VANGL1: variants seen among roughly 807,000 people sequenced by gnomAD.
VANGL1 encodes VANGL planar cell polarity protein 1, also known as vang-like protein 1.
VANGL1 carries 18 observed loss-of-function variants against 48.4 expected under a neutral mutation model. The observed-to-expected ratio is 0.37, with a 90% CI of 0.26 to 0.55. The LOEUF is 0.55. Ranked by LOEUF, VANGL1 falls within the 20% of genes least tolerant of loss-of-function variation. VANGL1 has a pLI of 0.81. For missense variants in VANGL1, 667 were observed against 675.8 expected (o/e 0.99, Z 0.14); for synonymous variants, 257 against 261.8 (o/e 0.98, Z 0.18).
At chr1:115,684,130 T>C in intron 6 of VANGL1, 54 bp downstream of exon 6, 2 of 1,290,356 alleles carry the variant, frequency 1.5e-6, no homozygotes, top group Admixed American at 2.7e-5. Context: ...AATTTTTATT[T>C]TATTTATTTA....
chr1:115,690,786 A>T (rs892586076), intron 7 of VANGL1, among the ~76,000 whole-genome samples: 1 of 152,246 alleles, frequency 6.6e-6, no homozygotes, highest in African/African-American at 2.4e-5. Context: ...AAGTAGGACC[A>T]TACCCTAAGA....
At chr1:115,677,796 T>C (rs1377468098) in intron 4 of VANGL1, among the ~76,000 whole-genome samples, 1 of 152,208 alleles carries the variant, frequency 6.6e-6, no homozygotes, top group African/African-American at 2.4e-5. Context: ...ACAGGGGTCC[T>C]GTTCAGTCAG....
At chr1:115,650,696 C>G (rs948600569) in intron 1 of VANGL1, among the ~76,000 whole-genome samples, 3 of 151,778 alleles carry the variant, frequency 2.0e-5, no homozygotes, top group African/African-American at 7.3e-5. Context: ...TTACCTATTC[C>G]TGTATTCTGG....
chr1:115,673,815 G>T (rs1297549613), intron 4 of VANGL1, among the ~76,000 whole-genome samples: 3 of 151,860 alleles, frequency 2.0e-5, no homozygotes, highest in African/African-American at 7.3e-5. Flanking sequence ...GGTCAGGCTG[G>T]TCTTGAACTC....
rs1447547995 is a variant in VANGL1, at chr1:115,651,262, C to T, written c.-137-15C>T. On this transcript the variant is annotated splice_polypyrimidine_tract_variant and intron_variant, in intron 1 of 7. Transcript: ENST00000355485. ...TCTGAAGATTAATGTCTTTTTTTTT[C>T]CCCCTCTTTCCCAGAATTTGTTCCT... The T allele has an allele frequency of 2.4e-5, 15 of 626,406 alleles. No homozygotes were observed. The highest frequency in any genetic ancestry group is 5.7e-5 in the Admixed American group (2 of 35,198). The allele number at this position is 626,406 out of a possible 1,614,324, so 38.8% of individuals were successfully genotyped here. A position where few individuals can be genotyped will look rare whatever the true frequency, so the allele number is the denominator to read the frequency against.
chr1:115,655,050 C>G (rs530261413), intron 2 of VANGL1, among the ~76,000 whole-genome samples: 1 of 152,102 alleles, frequency 6.6e-6, no homozygotes, highest in Non-Finnish European at 1.5e-5. Context: ...AAAAGAGGGC[C>G]GCCGGGGCAG....
Position 115,694,296 on chromosome 1 carries a change from G to T in VANGL1, c.*2917G>T, listed in dbSNP as rs900018260. The T allele has an allele frequency of 6.6e-6, 1 of 152,072 alleles. No homozygotes were observed. The highest frequency in any genetic ancestry group is 1.5e-5 in the Non-Finnish European group (1 of 68,012). 9.4% of individuals were successfully genotyped at this position (152,072 alleles called of 1,614,324 possible). On this transcript the variant is annotated 3_prime_UTR_variant, in exon 8 of 8. Transcript: ENST00000355485. ...CAACTATCATCACCTCCCTTCCCCC[G>T]CCTCTGTTCTTGCCTTTTGACATCT... is the stretch of plus-strand genomic sequence containing the variant.
intron 2 of VANGL1, among the ~76,000 whole-genome samples, chr1:115,653,423 T>C (rs1652227833): frequency 6.6e-6 from 1 of 152,218 alleles, no homozygotes; most frequent in African/African-American, 2.4e-5. Flanking sequence ...TGTTTTAAAA[T>C]ACCAATTTTG....
intron 4 of VANGL1, among the ~76,000 whole-genome samples, chr1:115,669,633 CT>C (rs1652903632): frequency 6.6e-6 from 1 of 151,796 alleles, no homozygotes; most frequent in African/African-American, 2.4e-5. Context: ...TCTTCGTTGT[CT>C]GTAAGATGTG....
intron 6 of VANGL1, among the ~76,000 whole-genome samples, chr1:115,684,721 G>A (rs1334544478): frequency 6.6e-6 from 1 of 152,172 alleles, no homozygotes; most frequent in African/African-American, 2.4e-5. Flanking sequence ...ATACTTGAGT[G>A]GGTCTGTTCT....
intron 4 of VANGL1, among the ~76,000 whole-genome samples, chr1:115,673,735 G>T (rs1213890539): frequency 1.3e-5 from 2 of 151,780 alleles, no homozygotes; most frequent in African/African-American, 2.4e-5. Context: ...TAGTAGCTGG[G>T]ATTACAGATG....
In VANGL1 at chr1:115,686,395, A is replaced by T. The variant is rs1161043633; in HGVS notation, c.1314+868A>T. 7.0e-5 allele frequency among the ~76,000 whole-genome samples: 10 copies of T among 143,652 alleles called. No homozygotes were observed. The Admixed American group carries it at 7.0e-4, about 10-fold the overall frequency. The allele number at this position is 143,652 out of a possible 152,430, so 94.2% of individuals were successfully genotyped here. On this transcript the variant is annotated intron_variant, in intron 7 of 7. Coordinates refer to ENST00000355485, the MANE Select transcript of VANGL1 (RefSeq NM_138959.3). The stretch of plus-strand genomic sequence containing the variant: ...CAAAAAAAAAAAAAAAAAAAATGCC[A>T]TCAGGCATTTTGGGTGTTACAGAAT...
intron 4 of VANGL1, among the ~76,000 whole-genome samples, chr1:115,665,463 G>A (rs934772163): frequency 4.6e-5 from 7 of 152,196 alleles, no homozygotes; most frequent in Admixed American, 2.6e-4. Flanking sequence ...CACCTTAGTG[G>A]GTATCAGAAC....
intron 4 of VANGL1, among the ~76,000 whole-genome samples, chr1:115,675,472 A>G (rs1653126995): frequency 6.6e-6 from 1 of 152,182 alleles, no homozygotes; most frequent in African/African-American, 2.4e-5. Context: ...GCTGCACTCC[A>G]TCCTGGACGA....
chr1:115,668,146 GGATTTGA>G (rs1652859952), intron 4 of VANGL1, among the ~76,000 whole-genome samples: 2 of 152,190 alleles, frequency 1.3e-5, no homozygotes, highest in Non-Finnish European at 2.9e-5. Context: ...GTGGGAACCA[GGATTTGA>G]GCCCAGGCTC....
In VANGL1 at chr1:115,697,963, A is replaced by G. The variant is rs1557782338; in HGVS notation, c.*6584A>G. The G allele has an allele frequency of 6.6e-6, 1 of 152,218 alleles. No homozygotes were observed. The highest frequency in any genetic ancestry group is 1.5e-5 in the Non-Finnish European group (1 of 68,042). The allele number at this position is 152,218 out of a possible 1,614,324, so 9.4% of individuals were successfully genotyped here. On this transcript the variant is annotated 3_prime_UTR_variant, in exon 8 of 8. Coordinates refer to ENST00000355485, the MANE Select transcript of VANGL1 (RefSeq NM_138959.3). ...TGACACATTTGCAAGCATGTAAATG[A>G]ATGAATGACACTACCAGCAACCATC...
rs183964198 is a variant in VANGL1, at chr1:115,688,118, A to C, written c.1314+2591A>C. Among the ~76,000 whole-genome samples, 6 of 137,978 alleles carry C rather than the reference A, an allele frequency of 4.3e-5. 1 individual carries two copies. Among genetic ancestry groups the C allele is most frequent in the East Asian group, 2.0e-4 (1 of 4,924 alleles). The allele number at this position is 137,978 out of a possible 152,430, so 90.5% of individuals were successfully genotyped here. A position where few individuals can be genotyped will look rare whatever the true frequency, so the allele number is the denominator to read the frequency against. On this transcript the variant is annotated intron_variant, in intron 7 of 7. Coordinates refer to ENST00000355485, the MANE Select transcript of VANGL1 (RefSeq NM_138959.3). ...TATACAATGTATATTATCTTTCTCT[A>C]TATATATGTAGAGAGATATAGATAT...
chr1:115,684,080 T>C lies in VANGL1; in HGVS notation c.1079+4T>C. Reference sequence around the variant, plus strand: ...GAGTAAAGAAGCGGAAAGCAAGGTATACTGCCCTCCTGATGCCAGTACCCT... The same window carrying C: ...GAGTAAAGAAGCGGAAAGCAAGGTACACTGCCCTCCTGATGCCAGTACCCT... On this transcript the variant is annotated splice_donor_region_variant and intron_variant, in intron 6 of 7. Coordinates refer to ENST00000355485, the MANE Select transcript of VANGL1 (RefSeq NM_138959.3). 1 of 1,613,264 alleles carries C rather than the reference T, an allele frequency of 6.2e-7. No individual in the cohort carries two copies. Among genetic ancestry groups the C allele is most frequent in the Non-Finnish European group, 8.5e-7 (1 of 1,179,474 alleles).
At chr1:115,671,182 T>C (rs1652959876) in intron 4 of VANGL1, 2 of 152,400 alleles carry the variant, frequency 1.3e-5, no homozygotes, top group Admixed American at 1.3e-4. Context: ...TGAGGGCCCC[T>C]GGCCCCTGGG....
Sources: allele counts gnomAD v4.1 joint callset (sites outside exome capture counted in the v4.1 genomes callset), GRCh38; gene constraint gnomAD v4.1.1; transcripts MANE v1.5; gene names NCBI Gene and HGNC (gene_info 2026-07-23, HGNC 2026-07-21).